The following ATP6V1E1 variants were observed in gnomAD, a reference collection of about 807,000 sequenced individuals.
ATP6V1E1 encodes the protein ATPase H+ transporting V1 subunit E1.
In ATP6V1E1, 21 loss-of-function variants were observed where a neutral mutation model predicts 35.2. That is an observed-to-expected ratio of 0.60 (90% CI 0.42 to 0.86). The LOEUF is 0.86. Ranked by LOEUF, ATP6V1E1 falls within the 40% of genes least tolerant of loss-of-function variation. The pLI is 0.00. For missense variants in ATP6V1E1, 183 were observed against 272.6 expected, an observed-to-expected ratio of 0.67 and a Z score of 2.32; for synonymous variants, 83 against 87.8, an observed-to-expected ratio of 0.95 and a Z score of 0.30.
chr22:17,616,830 C>T (rs553535900), intron 2 of ATP6V1E1, among the ~76,000 whole-genome samples: 3 of 65,762 alleles, frequency 4.6e-5, no homozygotes, highest in South Asian at 6.2e-4. Context: ...GGGCGGATCA[C>T]GAGGTCAGGA....
chr22:17,625,364 T>G (rs1329050746), intron 1 of ATP6V1E1, among the ~76,000 whole-genome samples: 3 of 152,122 alleles, frequency 2.0e-5, no homozygotes, highest in African/African-American at 7.2e-5. Context: ...GTTCAAGCGA[T>G]TCTCCTGTCT....
chr22:17,612,910 A>G (rs1396469161), intron 3 of ATP6V1E1, 32 bp from the exon 4 acceptor site: 7 of 1,564,194 alleles, frequency 4.5e-6, no homozygotes, highest in Middle Eastern at 1.7e-4. Flanking sequence ...TAGCATTAGT[A>G]ACAACTTAAA....
intron 2 of ATP6V1E1, among the ~76,000 whole-genome samples, chr22:17,616,058 C>T (rs1395875069): frequency 1.3e-5 from 2 of 150,436 alleles, no homozygotes; most frequent in Non-Finnish European, 3.0e-5. Context: ...AACAAACAAA[C>T]AAACAAAAGC....
intron 1 of ATP6V1E1, among the ~76,000 whole-genome samples, chr22:17,627,983 G>T (rs375306662): frequency 2.9e-5 from 4 of 135,862 alleles, no homozygotes; most frequent in African/African-American, 5.3e-5. Flanking sequence ...AGGCTGGTTT[G>T]TTTTTTTTTT....
At chr22:17,611,920 C>T (rs2057817501) in intron 4 of ATP6V1E1, among the ~76,000 whole-genome samples, 1 of 152,130 alleles carries the variant, frequency 6.6e-6, no homozygotes, top group Admixed American at 6.6e-5. Flanking sequence ...AGTTTTATAG[C>T]TGTTTTCATA....
chr22:17,607,037 G>C (rs1342986014), intron 4 of ATP6V1E1, among the ~76,000 whole-genome samples: 3 of 152,064 alleles, frequency 2.0e-5, no homozygotes, highest in Non-Finnish European at 4.4e-5. Context: ...AGGGACTTCT[G>C]TGTTGTCTCC....
At chr22:17,621,808 G>A (rs2057879132) in intron 1 of ATP6V1E1, among the ~76,000 whole-genome samples, 1 of 152,004 alleles carries the variant, frequency 6.6e-6, no homozygotes, top group Non-Finnish European at 1.5e-5. Flanking sequence ...CACCTCCTTA[G>A]GGAAATCTTT....
chr22:17,619,342 G>A, intron 2 of ATP6V1E1, 119 bp downstream of exon 2: 1 of 895,168 alleles, frequency 1.1e-6, no homozygotes, highest in Non-Finnish European at 1.7e-6. Context: ...GGAAGGAAGA[G>A]ACATTTTTAT....
upstream of ATP6V1E1, chr22:17,628,758 G>A (rs141244248): frequency 1.0e-4 from 140 of 1,343,690 alleles, no homozygotes; most frequent in Middle Eastern, 1.3e-3. Context: ...ATAACCGCGG[G>A]TTCCGGTTCC....
chr22:17,624,320 C>G (rs945976543), intron 1 of ATP6V1E1, among the ~76,000 whole-genome samples: 1 of 152,152 alleles, frequency 6.6e-6, no homozygotes, highest in Non-Finnish European at 1.5e-5. Context: ...CTTTGGGAGG[C>G]TGAGGCGGGC....
At chr22:17,612,481 C>G (rs2057820194) in intron 4 of ATP6V1E1, 2 of 216,112 alleles carry the variant, frequency 9.3e-6, no homozygotes, top group Admixed American at 5.8e-5. Flanking sequence ...CTGTTGAAAA[C>G]AGGTGAAGCT....
In ATP6V1E1 at chr22:17,628,744, C is replaced by T. The variant is rs1443804019; in HGVS notation, c.-109G>A. On this transcript the variant is annotated 5_prime_UTR_variant, in exon 1 of 9. Transcript: ENST00000253413. ...CCTGCGCAGATCTCGGGTTCCTTTA[C>T]TTTATAACCGCGGGTTCCGGTTCCT... 6 of 1,476,608 alleles carry T rather than the reference C, an allele frequency of 4.1e-6. No homozygotes were observed. The highest frequency in any genetic ancestry group is 5.7e-6 in the Non-Finnish European group (6 of 1,058,398). The allele number at this position is 1,476,608 out of a possible 1,614,324, so 91.5% of individuals were successfully genotyped here. A position where few individuals can be genotyped will look rare whatever the true frequency, so the allele number is the denominator to read the frequency against.
At chr22:17,608,056 T>C (rs2057795083) in intron 4 of ATP6V1E1, among the ~76,000 whole-genome samples, 1 of 152,210 alleles carries the variant, frequency 6.6e-6, no homozygotes, top group African/African-American at 2.4e-5. Context: ...TCCTATCCCA[T>C]GACTAATACT....
chr22:17,598,983 C>T (rs1458661792), intron 6 of ATP6V1E1, among the ~76,000 whole-genome samples: 1 of 152,122 alleles, frequency 6.6e-6, no homozygotes, highest in Non-Finnish European at 1.5e-5. Context: ...TATTATTCAG[C>T]CTTACAAAGG....
intron 2 of ATP6V1E1, among the ~76,000 whole-genome samples, chr22:17,617,797 A>C (rs1044122114): frequency 3.3e-5 from 5 of 151,988 alleles, no homozygotes; most frequent in African/African-American, 1.2e-4. Flanking sequence ...ATATACTTCC[A>C]AACTTTTTAT....
At chr22:17,613,091 T>G in intron 3 of ATP6V1E1, 120 bp downstream of exon 3, 1 of 907,820 alleles carries the variant, frequency 1.1e-6, no homozygotes, top group Non-Finnish European at 1.7e-6. Context: ...TTAAACAATT[T>G]GTCAGATTAG....
Position 17,628,698 on chromosome 22 carries a change from G to A in ATP6V1E1, c.-63C>T, listed in dbSNP as rs541983468. The A allele has an allele frequency of 3.3e-5, 53 of 1,608,552 alleles. No homozygotes were observed. The highest frequency in any genetic ancestry group is 3.2e-4 in the South Asian group (29 of 90,990). ...AGTTTAGGTTTGAAAGGTGAGGTGA[G>A]AGAAATCGGCAAAGGGAACCCCTGC... On this transcript the variant is annotated 5_prime_UTR_variant, in exon 1 of 9. Transcript: ENST00000253413.
chr22:17,624,068 C>G (rs572376125), intron 1 of ATP6V1E1, among the ~76,000 whole-genome samples: 1 of 152,076 alleles, frequency 6.6e-6, no homozygotes, highest in South Asian at 2.1e-4. Context: ...AGGAAAAAAG[C>G]AAATATACAC....
At chr22:17,618,865 C>T (rs953009302) in intron 2 of ATP6V1E1, among the ~76,000 whole-genome samples, 3 of 151,064 alleles carry the variant, frequency 2.0e-5, no homozygotes, top group African/African-American at 2.4e-5. Context: ...ACAGGTGTGA[C>T]GGTGCCTGCC....
Sources: gnomAD v4.1 joint callset for allele counts (sites outside exome capture counted in the v4.1 genomes callset) on GRCh38, gnomAD v4.1.1 for gene constraint, MANE v1.5 for transcripts, NCBI Gene and HGNC (gene_info 2026-07-23, HGNC 2026-07-21) for gene names.